The following PDX1 variants were observed in gnomAD, a reference collection of about 807,000 sequenced individuals.
PDX1 encodes pancreas/duodenum homeobox protein 1.
PDX1 carries 7 observed loss-of-function variants against 11.1 expected under a neutral mutation model. The observed-to-expected ratio is 0.63, with a 90% CI of 0.36 to 1.19. The LOEUF (loss-of-function observed/expected upper bound fraction) is 1.19, where lower values mean the gene tolerates loss of function less well. PDX1 is among the 50% of genes most tolerant of loss of function. The probability of loss-of-function intolerance (pLI) is 0.02; values close to 1 mark genes in which losing one functional copy is unlikely to be tolerated. For missense variants in PDX1, 449 were observed against 412.1 expected, an observed-to-expected ratio of 1.09 and a Z score of -0.78; for synonymous variants, 232 against 196.2, an observed-to-expected ratio of 1.18 and a Z score of -1.53.
chr13:27,921,213 A>C (rs1359528984), intron 1 of PDX1, among the ~76,000 whole-genome samples: 1 of 152,204 alleles, frequency 6.6e-6, no homozygotes. Context: ...CAGCTAGGAG[A>C]GCAATCTGAG....
Position 27,920,320 on chromosome 13 carries a change from GC to G in PDX1, c.188del (p.Pro63ArgfsTer60), listed in dbSNP as rs193929377. On this transcript the variant is annotated frameshift_variant, in exon 1 of 2. Coordinates refer to ENST00000381033, the MANE Select transcript of PDX1 (RefSeq NM_000209.4). LOFTEE classifies it high-confidence loss of function. ...PGALGALEQG[S>X]PPDISPYEVP... The stretch of plus-strand genomic sequence containing the variant: ...GCCCTGGGCGCGCTGGAGCAGGGCA[GC>G]CCCCCGGACATCTCCCCGTACGAGG... The G allele has an allele frequency of 1.0e-5, 16 of 1,541,834 alleles. No homozygotes were observed. Among genetic ancestry groups the G allele is most frequent in the African/African-American group, 1.4e-5 (1 of 72,792 alleles).
chr13:27,920,037 C>A lies in PDX1; in HGVS notation c.-102C>A. On this transcript the variant is annotated 5_prime_UTR_variant, in exon 1 of 2. Transcript: ENST00000381033. ...GAGCTGTCAAAGCGAGCAGGGGTGG[C>A]GCCGGGAGTGGGAACGCCACACAGT... The A allele has an allele frequency of 7.1e-7, 1 of 1,409,432 alleles. No individual in the cohort carries two copies. Among genetic ancestry groups the A allele is most frequent in the Non-Finnish European group, 9.8e-7 (1 of 1,022,246 alleles). 87.3% of individuals were successfully genotyped at this position (1,409,432 alleles called of 1,614,324 possible). A position where few individuals can be genotyped will look rare whatever the true frequency, so the allele number is the denominator to read the frequency against.
rs950676276 is a variant in PDX1 at position 27,924,083 on chromosome 13, A to G, written c.407-173A>G. On this transcript the variant is annotated intron_variant, in intron 1 of 1. Coordinates refer to ENST00000381033, the MANE Select transcript of PDX1 (RefSeq NM_000209.4). The surrounding 1 kb of genome is among the most constrained non-coding windows in gnomAD (Gnocchi z 4.8). ...TAGGAAGGGCTTGAGTTACTAGGGA[A>G]GAGCTTCGCGCGCCTACACTAGGCG... Among the ~76,000 whole-genome samples, 1 of 152,212 alleles carries G rather than the reference A, an allele frequency of 6.6e-6. No homozygotes were observed. The highest frequency in any genetic ancestry group is 1.5e-5 in the Non-Finnish European group (1 of 68,038).
At position 27,924,350 on chromosome 13, in the gene PDX1, CA is replaced by C. The variant is rs1411196863; in HGVS notation, c.503del (p.Asn168ThrfsTer16). On this transcript the variant is annotated frameshift_variant, in exon 2 of 2. Coordinates refer to ENST00000381033, the MANE Select transcript of PDX1 (RefSeq NM_000209.4). LOFTEE classifies it low-confidence loss of function (END_TRUNC). The surrounding 1 kb of genome is among the most constrained non-coding windows in gnomAD (Gnocchi z 4.8). ...TAGAGCTGGAGAAGGAGTTCCTATTCAACAAGTACATCTCACGGCCGCGCCG... is the reference window on the plus strand; with the variant it reads ...TAGAGCTGGAGAAGGAGTTCCTATTCACAAGTACATCTCACGGCCGCGCCG... ...LLELEKEFLF[N>X]KYISRPRRVE... 6.2e-7 allele frequency: 1 copy of C among 1,612,524 alleles called. No homozygotes were observed. The highest frequency in any genetic ancestry group is 1.3e-5 in the African/African-American group (1 of 74,900).
At position 27,924,771 on chromosome 13, in the gene PDX1, C is replaced by T; in HGVS notation, c.*70C>T. ...AGGAGGAGCAGAGGGCCTAGGAGGA[C>T]CCCGGGCGTGGACCACCCGCCCTGG... On this transcript the variant is annotated 3_prime_UTR_variant, in exon 2 of 2. Transcript: ENST00000381033. This position sits in a 1 kb window ranked among gnomAD's most constrained non-coding sequence, Gnocchi z 4.8. 2 of 1,274,702 alleles carry T rather than the reference C, an allele frequency of 1.6e-6. No individual in the cohort carries two copies. The highest frequency in any genetic ancestry group is 2.0e-6 in the Non-Finnish European group (2 of 984,980). The allele number at this position is 1,274,702 out of a possible 1,614,324, so 79.0% of individuals were successfully genotyped here. A position where few individuals can be genotyped will look rare whatever the true frequency, so the allele number is the denominator to read the frequency against.
chr13:27,920,370 G>T lies in PDX1; in HGVS notation c.232G>T (p.Ala78Ser). ...GGTGCCCCCCCTCGCCGACGACCCC[G>T]CGGTGGCGCACCTTCACCACCACCT... is the stretch of plus-strand genomic sequence containing the variant. ...YEVPPLADDPAVAHLHHHLPA... is the reference protein window; with the variant it reads ...YEVPPLADDPSVAHLHHHLPA... The change falls in exon 1 of 2, where the codon GCG becomes TCG. Residue 78 changes from alanine to serine, a missense_variant. Physicochemically the swap from Ala to Ser is moderately conservative, Grantham distance 99. Around this residue, in one of 3 missense-constraint regions of PDX1, gnomAD observed 263 missense variants for 212.5 expected, o/e 1.24. Transcript: ENST00000381033. 6.5e-7 allele frequency: 1 copy of T among 1,546,252 alleles called. No individual in the cohort carries two copies. The highest frequency in any genetic ancestry group is 8.7e-7 in the Non-Finnish European group (1 of 1,145,224).
rs28509441 is a variant in PDX1 at position 27,920,300 on chromosome 13, G to A, written c.162G>A (p.Leu54=). 3,290 of 1,538,076 alleles carry A rather than the reference G, an allele frequency of 2.1e-3. 69 individuals carry two copies. The African/African-American group carries it at 0.041, about 19-fold the overall frequency. The change falls in exon 1 of 2, where the codon CTG becomes CTA. Residue 54 remains leucine (L), a synonymous_variant. Transcript: ENST00000381033. ...CGCCGCACCCGTTCCCTGGCGCCCT[G>A]GGCGCGCTGGAGCAGGGCAGCCCCC... is the stretch of plus-strand genomic sequence containing the variant. The part of the protein sequence containing the change: ...PPPPHPFPGA[L]GALEQGSPPD...
In PDX1 at chr13:27,920,245, T is replaced by A; in HGVS notation, c.107T>A (p.Leu36Gln). Residue 36 changes from leucine (L) to glutamine (Q), a missense_variant, in exon 1 of 2, where the codon CTG becomes CAG. Leu to Gln is a moderately radical substitution (Grantham distance 113). Coordinates refer to ENST00000381033, the MANE Select transcript of PDX1 (RefSeq NM_000209.4). ...PEFSASPPACLYMGRQPPPPP... is the reference protein window; with the variant it reads ...PEFSASPPACQYMGRQPPPPP... ...TTCAGCGCCAGCCCCCCTGCGTGCC[T>A]GTACATGGGCCGCCAGCCCCCGCCG... 1 of 1,546,302 alleles carries A rather than the reference T, an allele frequency of 6.5e-7. No homozygotes were observed. Among genetic ancestry groups the A allele is most frequent in the African/African-American group, 1.4e-5 (1 of 72,684 alleles).
In PDX1 at chr13:27,924,460, A is replaced by G; in HGVS notation, c.611A>G (p.Glu204Gly). The G allele has an allele frequency of 6.2e-7, 1 of 1,613,234 alleles. No individual in the cohort carries two copies. Among genetic ancestry groups the G allele is most frequent in the Non-Finnish European group, 8.5e-7 (1 of 1,179,890 alleles). Reference protein sequence around the residue: ...FQNRRMKWKKEEDKKRGGGTA... With the variant: ...FQNRRMKWKKGEDKKRGGGTA... ...AACCGCCGCATGAAGTGGAAAAAGG[A>G]GGAGGACAAGAAGCGCGGCGGCGGG... Residue 204 changes from glutamate (E) to glycine (G), a missense_variant, in exon 2 of 2, where the codon GAG becomes GGG. Transcript: ENST00000381033. The surrounding 1 kb of genome is among the most constrained non-coding windows in gnomAD (Gnocchi z 4.8).
In PDX1 at chr13:27,920,373, G is replaced by T. The variant is rs1957774942; in HGVS notation, c.235G>T (p.Val79Leu). The T allele has an allele frequency of 6.5e-7, 1 of 1,546,762 alleles. No individual in the cohort carries two copies. Among genetic ancestry groups the T allele is most frequent in the African/African-American group, 1.4e-5 (1 of 72,960 alleles). ...EVPPLADDPAVAHLHHHLPAQ... is the reference protein window; with the variant it reads ...EVPPLADDPALAHLHHHLPAQ... ...GCCCCCCCTCGCCGACGACCCCGCG[G>T]TGGCGCACCTTCACCACCACCTCCC... The change falls in exon 1 of 2, where the codon GTG becomes TTG. Residue 79 changes from valine to leucine, a missense_variant. Coordinates refer to ENST00000381033, the MANE Select transcript of PDX1 (RefSeq NM_000209.4).
At chr13:27,920,993 C>T (rs889756136) in intron 1 of PDX1, among the ~76,000 whole-genome samples, 3 of 152,206 alleles carry the variant, frequency 2.0e-5, no homozygotes, top group Non-Finnish European at 2.9e-5. Flanking sequence ...CCCGGAGCCC[C>T]TCACTTCCCG....
In PDX1 at chr13:27,920,011, G is replaced by C. The variant is rs932984792; in HGVS notation, c.-128G>C. 8 of 1,202,776 alleles carry C rather than the reference G, an allele frequency of 6.7e-6. No individual in the cohort carries two copies. The South Asian group carries it at 1.1e-4, about 16-fold the overall frequency. 74.5% of individuals were successfully genotyped at this position (1,202,776 alleles called of 1,614,324 possible). On this transcript the variant is annotated 5_prime_UTR_variant, in exon 1 of 2. Coordinates refer to ENST00000381033, the MANE Select transcript of PDX1 (RefSeq NM_000209.4). ...TGTGGGTTCCCTCTGAGATCAGTGCGGAGCTGTCAAAGCGAGCAGGGGTGG... is the reference window on the plus strand; with the variant it reads ...TGTGGGTTCCCTCTGAGATCAGTGCCGAGCTGTCAAAGCGAGCAGGGGTGG...
At chr13:27,922,192 T>C (rs1456992311) in intron 1 of PDX1, among the ~76,000 whole-genome samples, 1 of 152,190 alleles carries the variant, frequency 6.6e-6, no homozygotes, top group Non-Finnish European at 1.5e-5. Context: ...GGGCTTAGGC[T>C]GACCCAAGAA....
At chr13:27,926,302 GTGTTTTGTTT>G (rs764742419) in exon 2 of PDX1, 2 of 152,076 alleles carry the variant, frequency 1.3e-5, no homozygotes, top group Non-Finnish European at 2.9e-5. Context: ...TTAAATTAGC[GTGTTTTGTTT>G]TGTTTTGTTT....
Position 27,924,862 on chromosome 13 carries a change from C to T in PDX1, c.*161C>T. The stretch of plus-strand genomic sequence containing the variant: ...GAAGGGGAAAACCCGCTCTCTCAGG[C>T]GCATGTGCCAGTTGGGGCCCCGCGG... On this transcript the variant is annotated 3_prime_UTR_variant, in exon 2 of 2. Coordinates refer to ENST00000381033, the MANE Select transcript of PDX1 (RefSeq NM_000209.4). The surrounding 1 kb of genome is among the most constrained non-coding windows in gnomAD (Gnocchi z 4.8). 1.7e-6 allele frequency: 1 copy of T among 583,010 alleles called. No homozygotes were observed. The highest frequency in any genetic ancestry group is 2.6e-6 in the Non-Finnish European group (1 of 386,808). 36.1% of individuals were successfully genotyped at this position (583,010 alleles called of 1,614,324 possible).
intron 1 of PDX1, among the ~76,000 whole-genome samples, chr13:27,921,230 A>G (rs141871020): frequency 1.3e-5 from 2 of 152,356 alleles, no homozygotes; most frequent in Admixed American, 1.3e-4. Context: ...TGAGAAGCGA[A>G]TTCGTTTTTC....
chr13:27,924,404 G>T lies in PDX1; in HGVS notation c.555G>T (p.Leu185Phe). 6.2e-7 allele frequency: 1 copy of T among 1,613,196 alleles called. No individual in the cohort carries two copies. Among genetic ancestry groups the T allele is most frequent in the South Asian group, 1.1e-5 (1 of 91,050 alleles). Reference sequence around the variant, plus strand: ...TGGAGCTGGCTGTCATGTTGAACTTGACCGAGAGACACATCAAGATCTGGT... The same window carrying T: ...TGGAGCTGGCTGTCATGTTGAACTTTACCGAGAGACACATCAAGATCTGGT... ...RRVELAVMLNLTERHIKIWFQ... is the reference protein window; with the variant it reads ...RRVELAVMLNFTERHIKIWFQ... The change falls in exon 2 of 2, where the codon TTG becomes TTT. Residue 185 changes from leucine (L) to phenylalanine (F), a missense_variant. By Grantham distance (22) the Leu-to-Phe change is conservative. Coordinates refer to ENST00000381033, the MANE Select transcript of PDX1 (RefSeq NM_000209.4). The surrounding 1 kb of genome is among the most constrained non-coding windows in gnomAD (Gnocchi z 4.8).
At chr13:27,923,454 C>A (rs1465320323) in intron 1 of PDX1, among the ~76,000 whole-genome samples, 1 of 152,218 alleles carries the variant, frequency 6.6e-6, no homozygotes, top group African/African-American at 2.4e-5. Context: ...ACCCCCAGAA[C>A]AATATTCCTT....
chr13:27,921,938 TAGG>T (rs1442583650), intron 1 of PDX1, among the ~76,000 whole-genome samples: 4 of 152,156 alleles, frequency 2.6e-5, no homozygotes, highest in African/African-American at 9.7e-5. Context: ...GCGGGGTTCT[TAGG>T]AGGCGGGAGG....
Sources: allele counts gnomAD v4.1 joint callset (sites outside exome capture counted in the v4.1 genomes callset), GRCh38; gene constraint gnomAD v4.1.1; regional missense constraint gnomAD v4.1.1; non-coding constraint Gnocchi (gnomAD v3.1); transcripts MANE v1.5; gene names NCBI Gene and HGNC (gene_info 2026-07-23, HGNC 2026-07-21).